Variants in PHYHD1 observed in about 807,000 individuals in gnomAD.
The protein encoded by PHYHD1 is phytanoyl-CoA dioxygenase domain-containing protein 1.
PHYHD1 carries 42 observed loss-of-function variants against 43.6 expected under a neutral mutation model. The ratio of observed to expected loss-of-function variants is 0.96; its 90% confidence interval spans 0.75 to 1.25. PHYHD1 has a LOEUF of 1.25. Among genes scored for constraint, PHYHD1 ranks in the 50% most tolerant of loss-of-function variants. PHYHD1 has a pLI of 0.00. For missense variants in PHYHD1, 342 were observed against 370.8 expected (o/e 0.92, Z 0.64); for synonymous variants, 139 against 143.6 (o/e 0.97, Z 0.23).
intron 4 of PHYHD1, 25 bp from the exon 5 acceptor site, chr9:128,933,757 G>GGAC (rs1841356136): frequency 1.2e-6 from 2 of 1,609,272 alleles, no homozygotes; most frequent in African/African-American, 2.7e-5. Context: ...TGCTGTCTCA[G>GGAC]TCCTCTGATG....
chr9:128,927,297 G>A, intron 4 of PHYHD1, 101 bp downstream of exon 4: 3 of 1,475,236 alleles, frequency 2.0e-6, no homozygotes, highest in Non-Finnish European at 2.8e-6. Flanking sequence ...AAGGCTCCAG[G>A]GTGTCAGGCC....
chr9:128,937,968 C>T, intron 9 of PHYHD1, 190 bp downstream of exon 9: 1 of 1,470,356 alleles, frequency 6.8e-7, no homozygotes, highest in Non-Finnish European at 9.0e-7. Context: ...GCGTCCTTGG[C>T]ATAGTGGGTC....
intron 4 of PHYHD1, among the ~76,000 whole-genome samples, chr9:128,928,744 G>C (rs1841200206): frequency 6.6e-6 from 1 of 151,892 alleles, no homozygotes; most frequent in African/African-American, 2.4e-5. Flanking sequence ...GATATATCTT[G>C]GTTTATAATG....
At position 128,939,640 on chromosome 9, in the gene PHYHD1, TG is replaced by T. The variant is rs1841506998; in HGVS notation, c.458-728del. The stretch of plus-strand genomic sequence containing the variant: ...TGGATGCCTGATCATAGCATCTCCC[TG>T]CTTCGCACCCAACTTCCCAATTTTT... On this transcript the variant is annotated intron_variant, in intron 9 of 12. Transcript: ENST00000372592. Among the ~76,000 whole-genome samples, 2 of 124,026 alleles carry T rather than the reference TG, an allele frequency of 1.6e-5. 1 individual carries two copies. Among genetic ancestry groups the T allele is most frequent in the Non-Finnish European group, 3.7e-5 (2 of 54,338 alleles). The allele number at this position is 124,026 out of a possible 152,430, so 81.4% of individuals were successfully genotyped here. A position where few individuals can be genotyped will look rare whatever the true frequency, so the allele number is the denominator to read the frequency against.
chr9:128,929,275 G>A (rs1841213037), intron 4 of PHYHD1, among the ~76,000 whole-genome samples: 1 of 151,992 alleles, frequency 6.6e-6, no homozygotes, highest in Non-Finnish European at 1.5e-5. Context: ...AGGCTGCAGT[G>A]AGCTATAATC....
chr9:128,937,990 A>G, intron 9 of PHYHD1: 1 of 1,424,460 alleles, frequency 7.0e-7, no homozygotes, highest in Non-Finnish European at 9.2e-7. Context: ...TGAGCCTGCC[A>G]GCAACCCCAG....
chr9:128,941,365 G>T, intron 11 of PHYHD1, 80 bp from the exon 12 acceptor site: 1 of 1,560,992 alleles, frequency 6.4e-7, no homozygotes, highest in Non-Finnish European at 8.7e-7. Context: ...ACTGGAAGGA[G>T]GAGGGCCCAT....
chr9:128,936,301 CA>C, intron 6 of PHYHD1, 146 bp from the exon 7 acceptor site: 2 of 1,105,818 alleles, frequency 1.8e-6, no homozygotes, highest in South Asian at 3.0e-5. Context: ...CTGTGGAGCC[CA>C]TTACTCAGTT....
At chr9:128,923,124 A>T (rs754395731) in intron 3 of PHYHD1, among the ~76,000 whole-genome samples, 2 of 152,102 alleles carry the variant, frequency 1.3e-5, no homozygotes, top group African/African-American at 2.4e-5. Flanking sequence ...TTGTATTTTT[A>T]GTAGAGACAG....
intron 3 of PHYHD1, among the ~76,000 whole-genome samples, chr9:128,922,936 CT>C (rs59238657): frequency 0.093 from 8,437 of 90,626 alleles, 195 homozygotes; most frequent in African/African-American, 0.19. Context: ...ATGCCCAGCT[CT>C]TTTTTTTTTT....
At chr9:128,927,539 C>G (rs567459632) in intron 4 of PHYHD1, among the ~76,000 whole-genome samples, 33 of 152,292 alleles carry the variant, frequency 2.2e-4, no homozygotes, top group Admixed American at 2.0e-3. Flanking sequence ...CCAGGCCCGG[C>G]TAATTTTTGT....
At chr9:128,932,564 T>C (rs1002038758) in intron 4 of PHYHD1, among the ~76,000 whole-genome samples, 1 of 151,404 alleles carries the variant, frequency 6.6e-6, no homozygotes, top group African/African-American at 2.4e-5. Context: ...ATGGGGTTTC[T>C]CCACGTAGGT....
intron 4 of PHYHD1, among the ~76,000 whole-genome samples, chr9:128,930,908 C>A (rs1440563992): frequency 6.9e-6 from 1 of 144,874 alleles, no homozygotes; most frequent in Non-Finnish European, 1.5e-5. Context: ...GAGATTGGGT[C>A]ACTGCACTCC....
chr9:128,922,230 G>A, intron 2 of PHYHD1, 53 bp from the exon 3 acceptor site: 1 of 1,486,546 alleles, frequency 6.7e-7, no homozygotes, highest in South Asian at 1.2e-5. Context: ...GTTTTCTCCG[G>A]GTAGGGAAGG....
chr9:128,923,844 G>A (rs1426703415), intron 3 of PHYHD1, among the ~76,000 whole-genome samples: 2 of 152,174 alleles, frequency 1.3e-5, no homozygotes, highest in African/African-American at 2.4e-5. Context: ...CTGGCCAGGC[G>A]CGGTGGCTCA....
intron 6 of PHYHD1, among the ~76,000 whole-genome samples, chr9:128,935,996 G>A (rs1841415073): frequency 6.6e-6 from 1 of 152,162 alleles, no homozygotes; most frequent in South Asian, 2.1e-4. Flanking sequence ...ACTATCCCAT[G>A]CCAGGCCCTG....
In PHYHD1 at chr9:128,940,690, C is replaced by T; in HGVS notation, c.678C>T (p.Leu226=). The T allele has an allele frequency of 1.9e-6, 3 of 1,613,750 alleles. No individual in the cohort carries two copies. Among genetic ancestry groups the T allele is most frequent in the South Asian group, 2.2e-5 (2 of 91,068 alleles). ...LGSEPARDNS[L]FVPTPVQRGA... ...CAGAGCCAGCCCGGGATAACAGCCT[C>T]TTTGTGCCCACCCCAGTGCAGAGAG... Residue 226 remains leucine, a synonymous_variant, in exon 11 of 13, where the codon CTC becomes CTT. Coordinates refer to ENST00000372592, the MANE Select transcript of PHYHD1 (RefSeq NM_001100876.2).
In PHYHD1 at chr9:128,933,854, A is replaced by C; in HGVS notation, c.265A>C (p.Lys89Gln). Reference protein sequence around the residue: ...FFFEKGVFDEKGNFLVPPEKS... With the variant: ...FFFEKGVFDEQGNFLVPPEKS... ...CTTTGAGAAAGGCGTTTTTGATGAGAAAGGTTTGGAGCTGGGGCCCTAGAG... is the reference window on the plus strand; with the variant it reads ...CTTTGAGAAAGGCGTTTTTGATGAGCAAGGTTTGGAGCTGGGGCCCTAGAG... Residue 89 changes from lysine to glutamine, a missense_variant, in exon 5 of 13, where the codon AAA becomes CAA. Coordinates refer to ENST00000372592, the MANE Select transcript of PHYHD1 (RefSeq NM_001100876.2). 6.2e-7 allele frequency: 1 copy of C among 1,613,808 alleles called. No homozygotes were observed. Among genetic ancestry groups the C allele is most frequent in the Non-Finnish European group, 8.5e-7 (1 of 1,179,748 alleles).
chr9:128,929,716 G>C (rs1040579707), intron 4 of PHYHD1, among the ~76,000 whole-genome samples: 2 of 151,952 alleles, frequency 1.3e-5, no homozygotes, highest in Non-Finnish European at 2.9e-5. Context: ...ATCTACATAC[G>C]TGTGTGTGTA....
Sources: gnomAD v4.1 joint callset for allele counts (sites outside exome capture counted in the v4.1 genomes callset) on GRCh38, gnomAD v4.1.1 for gene constraint, MANE v1.5 for transcripts, NCBI Gene and HGNC (gene_info 2026-07-23, HGNC 2026-07-21) for gene names.